Variants in TRPC1 observed in about 807,000 individuals in gnomAD.
TRPC1 encodes transient receptor potential cation channel subfamily C member 1.
A neutral mutation model predicts 88.2 loss-of-function variants in TRPC1; 42 were observed. That is an observed-to-expected ratio of 0.48 (90% CI 0.37 to 0.62). TRPC1 has a LOEUF of 0.62. Ranked by LOEUF, TRPC1 falls within the 20% of genes least tolerant of loss-of-function variation. The pLI is 0.00. For missense variants in TRPC1, 699 were observed against 957.3 expected (o/e 0.73, Z 3.56); for synonymous variants, 288 against 331.8 (o/e 0.87, Z 1.43).
chr3:142,743,004 G>A (rs1237483846), intron 2 of TRPC1, among the ~76,000 whole-genome samples: 8 of 152,136 alleles, frequency 5.3e-5, no homozygotes, highest in Admixed American at 4.6e-4. Flanking sequence ...AATGAGAACA[G>A]AAGGCTCTCA....
intron 4 of TRPC1, among the ~76,000 whole-genome samples, chr3:142,777,318 G>T (rs1453759099): frequency 6.6e-6 from 1 of 151,850 alleles, no homozygotes; most frequent in South Asian, 2.1e-4. Flanking sequence ...AAAAAAAGTT[G>T]GTCCAGAAAT....
intron 4 of TRPC1, among the ~76,000 whole-genome samples, chr3:142,764,286 T>C (rs959069944): frequency 6.6e-6 from 1 of 152,078 alleles, no homozygotes; most frequent in Non-Finnish European, 1.5e-5. Context: ...TATGAATGGA[T>C]TGTACACCAC....
intron 7 of TRPC1, among the ~76,000 whole-genome samples, chr3:142,788,583 G>A (rs1446253517): frequency 6.6e-6 from 1 of 152,008 alleles, no homozygotes; most frequent in Admixed American, 6.6e-5. Flanking sequence ...TGGAGCTTGA[G>A]TTAGAAAGGT....
chr3:142,760,500 GAAGTCAGGT>G (rs1364867529), intron 4 of TRPC1, among the ~76,000 whole-genome samples: 2 of 152,132 alleles, frequency 1.3e-5, no homozygotes, highest in Non-Finnish European at 2.9e-5. Context: ...AGTGTATTTT[GAAGTCAGGT>G]AATGTGATGC....
rs1936726323 is a variant in TRPC1 at position 142,804,589 on chromosome 3, C to G, written c.2113C>G (p.His705Asp). 6.2e-7 allele frequency: 1 copy of G among 1,609,514 alleles called. No individual in the cohort carries two copies. Reference sequence around the variant, plus strand: ...TAGCCTCAGTAAGTGGATTTGCTCTCATACATCAAAAGGCAAGGTCAAACG... The same window carrying G: ...TAGCCTCAGTAAGTGGATTTGCTCTGATACATCAAAAGGCAAGGTCAAACG... Reference protein sequence around the residue: ...ISSLSKWICSHTSKGKVKRQN... With the variant: ...ISSLSKWICSDTSKGKVKRQN... The change falls in exon 12 of 13, where the codon CAT becomes GAT. Residue 705 changes from histidine (H) to aspartate (D), a missense_variant. By Grantham distance (81) the His-to-Asp change is moderately conservative. This residue lies in a region of TRPC1 where 105 missense variants were observed against 141.7 expected (regional missense o/e 0.74). Coordinates refer to ENST00000476941, the MANE Select transcript of TRPC1 (RefSeq NM_001251845.2).
Position 142,767,097 on chromosome 3 carries a change from AT to A in TRPC1, c.633-10532del, listed in dbSNP as rs1366559022. 3.3e-5 allele frequency among the ~76,000 whole-genome samples: 5 copies of A among 152,196 alleles called. No individual in the cohort carries two copies. Among genetic ancestry groups the A allele is most frequent in the Admixed American group, 6.5e-5 (1 of 15,280 alleles). ...ACCATTGAACATGGTATATCTCTCC[AT>A]TTAATAGGTTTCATTTAATTTCTCT... On this transcript the variant is annotated intron_variant, in intron 4 of 12. Coordinates refer to ENST00000476941, the MANE Select transcript of TRPC1 (RefSeq NM_001251845.2). The surrounding 1 kb of genome is among the most constrained non-coding windows in gnomAD (Gnocchi z 5.1).
chr3:142,733,324 C>T (rs1934004106), intron 1 of TRPC1, among the ~76,000 whole-genome samples: 1 of 152,074 alleles, frequency 6.6e-6, no homozygotes, highest in South Asian at 2.1e-4. Context: ...CCAGGCTAGC[C>T]AACATGGTGA....
At chr3:142,785,991 A>G (rs1206489224) in intron 7 of TRPC1, among the ~76,000 whole-genome samples, 1 of 152,216 alleles carries the variant, frequency 6.6e-6, no homozygotes, top group Non-Finnish European at 1.5e-5. Context: ...TATTTTTATA[A>G]GTATTACACT....
intron 4 of TRPC1, among the ~76,000 whole-genome samples, 161 bp downstream of exon 4, chr3:142,748,621 CA>C (rs1934642188): frequency 6.6e-6 from 1 of 152,192 alleles, no homozygotes; most frequent in African/African-American, 2.4e-5. Flanking sequence ...ATGCATTCTG[CA>C]TTTTTAAGAA....
chr3:142,757,664 G>A (rs1935025754), intron 4 of TRPC1, among the ~76,000 whole-genome samples: 1 of 152,176 alleles, frequency 6.6e-6, no homozygotes, highest in East Asian at 1.9e-4. Flanking sequence ...GGCAAGGGGA[G>A]GGATAGCATT....
chr3:142,745,128 A>G (rs1422028712), intron 3 of TRPC1, among the ~76,000 whole-genome samples: 2 of 152,216 alleles, frequency 1.3e-5, no homozygotes, highest in Non-Finnish European at 2.9e-5. Flanking sequence ...CAACAGGAAT[A>G]AGGAACAAAA....
At chr3:142,744,053 T>C (rs1443796632) in intron 3 of TRPC1, among the ~76,000 whole-genome samples, 1 of 152,100 alleles carries the variant, frequency 6.6e-6, no homozygotes. Context: ...CAGACAAAAT[T>C]TAGAAAGCAG....
At chr3:142,759,095 T>C (rs1054840731) in intron 4 of TRPC1, among the ~76,000 whole-genome samples, 1 of 152,190 alleles carries the variant, frequency 6.6e-6, no homozygotes, top group African/African-American at 2.4e-5. Context: ...TCTGGGTTGG[T>C]TCCAAGTCTT....
Position 142,807,143 on chromosome 3 carries a change from T to TTTATCACATGTAGTCACAAC in TRPC1, c.*909_*928dup, listed in dbSNP as rs1415674444. On this transcript the variant is annotated 3_prime_UTR_variant, in exon 13 of 13. Transcript: ENST00000476941. The stretch of plus-strand genomic sequence containing the variant: ...TTTTAAGATAGATAGGAGACACTTT[T>TTTATCACATGTAGTCACAAC]TTATCACATGTAGTCACAACCTGTT... 1 of 152,146 alleles carries TTTATCACATGTAGTCACAAC rather than the reference T, an allele frequency of 6.6e-6. No homozygotes were observed. Among genetic ancestry groups the TTTATCACATGTAGTCACAAC allele is most frequent in the Admixed American group, 6.5e-5 (1 of 15,270 alleles). The allele number at this position is 152,146 out of a possible 1,614,324, so 9.4% of individuals were successfully genotyped here.
Position 142,806,192 on chromosome 3 carries a change from G to A in TRPC1, c.2339G>A (p.Gly780Asp), listed in dbSNP as rs766191559. 6 of 1,613,114 alleles carry A rather than the reference G, an allele frequency of 3.7e-6. No individual in the cohort carries two copies. The highest frequency in any genetic ancestry group is 3.3e-5 in the Admixed American group (2 of 59,948). Residue 780 changes from glycine (G) to aspartate (D), a missense_variant, in exon 13 of 13, where the codon GGC (glycine) becomes GAC (aspartate). Around this residue, in one of 4 missense-constraint regions of TRPC1, gnomAD observed 105 missense variants for 141.7 expected, o/e 0.74. Coordinates refer to ENST00000476941, the MANE Select transcript of TRPC1 (RefSeq NM_001251845.2). ...KFRNEIRDLL[G>D]FRTSKYAMFY... ...CGAAATGAAATAAGGGATTTACTTG[G>A]CTTTCGGACTTCTAAATATGCTATG...
intron 9 of TRPC1, 55 bp downstream of exon 9, chr3:142,793,022 C>A: frequency 7.0e-7 from 1 of 1,420,284 alleles, no homozygotes; most frequent in Middle Eastern, 2.0e-4. Context: ...ATTGTTACAT[C>A]TTTCTCCTTG....
chr3:142,731,865 A>G (rs1933935482), intron 1 of TRPC1, among the ~76,000 whole-genome samples: 1 of 152,208 alleles, frequency 6.6e-6, no homozygotes, highest in Non-Finnish European at 1.5e-5. Flanking sequence ...AAAATTTCGT[A>G]ACACATGAAA....
chr3:142,741,686 G>A (rs1934355389), intron 2 of TRPC1, among the ~76,000 whole-genome samples: 1 of 152,122 alleles, frequency 6.6e-6, no homozygotes, highest in African/African-American at 2.4e-5. Flanking sequence ...ATCATTTATG[G>A]ACAATTCTAA....
chr3:142,800,153 A>C (rs983097212), intron 9 of TRPC1, among the ~76,000 whole-genome samples: 9 of 152,128 alleles, frequency 5.9e-5, no homozygotes, highest in Admixed American at 5.9e-4. Flanking sequence ...TTTCTTTCTC[A>C]AGGTGATCCA....
Sources: gnomAD v4.1 joint callset for allele counts (sites outside exome capture counted in the v4.1 genomes callset) on GRCh38, gnomAD v4.1.1 for gene constraint, gnomAD v4.1.1 regional missense constraint, Gnocchi (gnomAD v3.1) non-coding constraint, MANE v1.5 for transcripts, NCBI Gene and HGNC (gene_info 2026-07-23, HGNC 2026-07-21) for gene names.